KIF21B: variants seen among roughly 807,000 people sequenced by gnomAD.
The protein encoded by KIF21B is kinesin-like protein KIF21B.
KIF21B carries 85 observed loss-of-function variants against 192.9 expected under a neutral mutation model. That is an observed-to-expected ratio of 0.44 (90% confidence interval 0.37 to 0.53). The LOEUF is 0.53. Ranked by LOEUF, KIF21B falls within the 20% of genes least tolerant of loss-of-function variation. The pLI, the probability that KIF21B is intolerant of heterozygous loss-of-function variation, is 0.00. For missense variants in KIF21B, 1,716 were observed against 2,194.8 expected, an observed-to-expected ratio of 0.78 and a Z score of 4.36; for synonymous variants, 832 against 884.6, an observed-to-expected ratio of 0.94 and a Z score of 1.05.
chr1:200,997,448 A>G (rs1657141544), intron 14 of KIF21B, among the ~76,000 whole-genome samples: 1 of 152,184 alleles, frequency 6.6e-6, no homozygotes, highest in Admixed American at 6.5e-5. Context: ...ACCATCCTTT[A>G]AAAAACTCCA....
intron 15 of KIF21B, among the ~76,000 whole-genome samples, chr1:200,993,791 G>T (rs1411598906): frequency 7.7e-6 from 1 of 130,440 alleles, no homozygotes; most frequent in African/African-American, 2.8e-5. Flanking sequence ...GAGAGAGAAA[G>T]AAAAACGAAA....
chr1:200,985,783 CCCCCTCCCCT>C (rs1382642502), intron 26 of KIF21B, among the ~76,000 whole-genome samples: 21 of 78,710 alleles, frequency 2.7e-4, no homozygotes, highest in African/African-American at 1.1e-3. Context: ...CCCTCCCCTT[CCCCCTCCCCT>C]CCCCTCCCCT....
chr1:200,976,383 C>T (rs1220485298), intron 32 of KIF21B, among the ~76,000 whole-genome samples: 1 of 152,216 alleles, frequency 6.6e-6, no homozygotes, highest in African/African-American at 2.4e-5. Context: ...TCAGCCACCA[C>T]GCCTGGCCTG....
rs1204056087 is a variant in KIF21B, at chr1:200,983,147, G to C, written c.3804-53C>G. 1.5e-5 allele frequency: 21 copies of C among 1,448,264 alleles called. No homozygotes were observed. In the African/African-American group the frequency reaches 2.9e-4, roughly 20 times the overall value. The allele number at this position is 1,448,264 out of a possible 1,614,324, so 89.7% of individuals were successfully genotyped here. A position where few individuals can be genotyped will look rare whatever the true frequency, so the allele number is the denominator to read the frequency against. On this transcript the variant is annotated intron_variant, in intron 27 of 34. Transcript: ENST00000461742. ...TAGGGGGTGAGAGGAGACACACACA[G>C]AGGGACGCAGAGGCGGCAGCAGTGT...
chr1:200,997,386 C>A (rs1193793012), intron 14 of KIF21B, among the ~76,000 whole-genome samples: 1 of 152,216 alleles, frequency 6.6e-6, no homozygotes, highest in Non-Finnish European at 1.5e-5. Flanking sequence ...CTGGTTGGTG[C>A]TGCTCTAGCA....
At chr1:201,007,360 A>ACG (rs1657932396) in intron 3 of KIF21B, among the ~76,000 whole-genome samples, 1 of 118,632 alleles carries the variant, frequency 8.4e-6, no homozygotes, top group Non-Finnish European at 1.8e-5. Flanking sequence ...ACATAGACAC[A>ACG]CACACACACA....
intron 29 of KIF21B, 23 bp from the exon 30 acceptor site, chr1:200,979,738 A>C: frequency 6.7e-7 from 1 of 1,491,922 alleles, no homozygotes; most frequent in Non-Finnish European, 9.0e-7. Context: ...GGAGGAAGCC[A>C]CAGGGAGGGG....
Position 200,999,027 on chromosome 1 carries a change from C to T in KIF21B, c.1885+322G>A, listed in dbSNP as rs113889224. Among the ~76,000 whole-genome samples, 1,386 of 152,304 alleles carry T rather than the reference C, an allele frequency of 9.1e-3. 28 individuals are homozygous for T. Among genetic ancestry groups the T allele is most frequent in the African/African-American group, 0.032 (1,334 of 41,552 alleles). ...TCATGTTTGCTCTGCATGGACCACA[C>T]TGGGGAAGGTCACTAAACCCCTGTG... is the stretch of plus-strand genomic sequence containing the variant. On this transcript the variant is annotated intron_variant, in intron 13 of 34. Coordinates refer to ENST00000461742, the MANE Select transcript of KIF21B (RefSeq NM_001252102.2). The surrounding 1 kb of genome is among the most constrained non-coding windows in gnomAD (Gnocchi z 4.7).
At chr1:200,979,832 G>A (rs1172346847) in intron 29 of KIF21B, 117 bp from the exon 30 acceptor site, 15 of 773,132 alleles carry the variant, frequency 1.9e-5, no homozygotes, top group Non-Finnish European at 2.5e-5. Flanking sequence ...GGGCTCCAGA[G>A]GACGGAGCTC....
chr1:200,983,128 G>T, intron 27 of KIF21B, 34 bp from the exon 28 acceptor site: 2 of 1,530,432 alleles, frequency 1.3e-6, no homozygotes, highest in Non-Finnish European at 1.8e-6. Flanking sequence ...GGATTAGGGG[G>T]TGAGAGGAGA....
intron 21 of KIF21B, among the ~76,000 whole-genome samples, chr1:200,989,570 G>A (rs1656538632): frequency 6.6e-6 from 1 of 152,188 alleles, no homozygotes; most frequent in South Asian, 2.1e-4. Flanking sequence ...TGGTCTGTCT[G>A]TAGTTCCCCT....
intron 1 of KIF21B, among the ~76,000 whole-genome samples, chr1:201,012,272 T>C (rs915796166): frequency 6.6e-6 from 1 of 152,136 alleles, no homozygotes; most frequent in Admixed American, 6.5e-5. Context: ...AAACTGATAC[T>C]GGCTGGGAGA....
intron 1 of KIF21B, among the ~76,000 whole-genome samples, chr1:201,020,332 T>TA (rs1558032744): frequency 1.3e-5 from 2 of 152,182 alleles, no homozygotes; most frequent in East Asian, 3.8e-4. Flanking sequence ...GTCAGGCCTA[T>TA]ATCTCTGCAG....
Position 201,008,953 on chromosome 1 carries a change from T to C in KIF21B, c.265-2A>G. ...GGTGTACGTCTTCCCGGCCCCCGTCTGCATTGGCAAAGATAGGAGGGTGTA... is the reference window on the plus strand; with the variant it reads ...GGTGTACGTCTTCCCGGCCCCCGTCCGCATTGGCAAAGATAGGAGGGTGTA... On this transcript the variant is annotated splice_acceptor_variant, in intron 2 of 34. Coordinates refer to ENST00000461742, the MANE Select transcript of KIF21B (RefSeq NM_001252102.2). LOFTEE classifies it high-confidence loss of function. 1 of 1,606,952 alleles carries C rather than the reference T, an allele frequency of 6.2e-7. No individual in the cohort carries two copies. The highest frequency in any genetic ancestry group is 8.5e-7 in the Non-Finnish European group (1 of 1,178,658).
chr1:200,995,744 C>G (rs1349324396), intron 15 of KIF21B, among the ~76,000 whole-genome samples: 2 of 152,202 alleles, frequency 1.3e-5, no homozygotes, highest in African/African-American at 4.8e-5. Flanking sequence ...TGAATGTGAT[C>G]ATGCGTGTGA....
In KIF21B at chr1:200,978,289, T is replaced by A. The variant is rs184129979; in HGVS notation, c.4161-913A>T. Among the ~76,000 whole-genome samples the A allele has an allele frequency of 1.6e-3, 238 of 152,318 alleles. 2 individuals carry two copies. The highest frequency in any genetic ancestry group is 0.012 in the Admixed American group (186 of 15,292). On this transcript the variant is annotated intron_variant, in intron 30 of 34. Coordinates refer to ENST00000461742, the MANE Select transcript of KIF21B (RefSeq NM_001252102.2). Reference sequence around the variant, plus strand: ...GTCTTGAACTACCGACCTCAGGTGATCTGCCCGCCTCGGCCTCACAAAGTG... The same window carrying A: ...GTCTTGAACTACCGACCTCAGGTGAACTGCCCGCCTCGGCCTCACAAAGTG...
chr1:201,008,694 T>A, intron 3 of KIF21B, 75 bp downstream of exon 3: 1 of 1,381,200 alleles, frequency 7.2e-7, no homozygotes, highest in Non-Finnish European at 9.8e-7. Flanking sequence ...TCCACTGCAC[T>A]GGAGGAAGGC....
intron 16 of KIF21B, among the ~76,000 whole-genome samples, chr1:200,991,968 G>T: frequency 6.6e-6 from 1 of 152,386 alleles, no homozygotes; most frequent in African/African-American, 2.4e-5. Context: ...AGGAATCCTG[G>T]AGCGGAGGGC....
At chr1:201,020,132 C>T (rs1056744322) in intron 1 of KIF21B, among the ~76,000 whole-genome samples, 1 of 152,016 alleles carries the variant, frequency 6.6e-6, no homozygotes, top group Non-Finnish European at 1.5e-5. Flanking sequence ...AGGAAGGAAG[C>T]TTAGGGAAGC....
Sources: gnomAD v4.1 joint callset for allele counts (sites outside exome capture counted in the v4.1 genomes callset) on GRCh38, gnomAD v4.1.1 for gene constraint, Gnocchi (gnomAD v3.1) non-coding constraint, MANE v1.5 for transcripts, NCBI Gene and HGNC (gene_info 2026-07-23, HGNC 2026-07-21) for gene names.